The following PTPRD variants were observed in gnomAD, a reference collection of about 807,000 sequenced individuals.
The protein encoded by PTPRD is protein tyrosine phosphatase receptor type D.
A neutral mutation model predicts 214.5 loss-of-function variants in PTPRD; 34 were observed. That is an observed-to-expected ratio of 0.16 (90% CI 0.12 to 0.21). The LOEUF is 0.21. Among genes scored for constraint, PTPRD ranks in the 10% least tolerant of loss-of-function variants. PTPRD has a pLI of 1.00. For synonymous variants in PTPRD, 1,128 were observed against 845.7 expected (o/e 1.33, Z -5.79); for missense variants, 2,545 against 2,398.7 (o/e 1.06, Z -1.27).
chr9:10,225,621 C>T (rs902920481), intron 3 of PTPRD, among the ~76,000 whole-genome samples: 1 of 151,984 alleles, frequency 6.6e-6, no homozygotes, highest in Non-Finnish European at 1.5e-5. Flanking sequence ...GATTCAACTC[C>T]TTGCTTTTCT....
intron 2 of PTPRD, among the ~76,000 whole-genome samples, chr9:10,387,957 A>C (rs1195425369): frequency 6.7e-6 from 1 of 149,118 alleles, no homozygotes; most frequent in Non-Finnish European, 1.5e-5. Flanking sequence ...CACTGTGCCC[A>C]GCAATTTTGT....
intron 3 of PTPRD, among the ~76,000 whole-genome samples, chr9:10,316,136 T>C (rs1010477714): frequency 2.7e-5 from 4 of 147,306 alleles, no homozygotes; most frequent in Non-Finnish European, 6.0e-5. Flanking sequence ...TATACATATA[T>C]ACACATACAT....
At chr9:8,895,685 C>T (rs1221896947) in intron 11 of PTPRD, among the ~76,000 whole-genome samples, 1 of 152,190 alleles carries the variant, frequency 6.6e-6, no homozygotes, top group Non-Finnish European at 1.5e-5. Context: ...GTCACTTCAG[C>T]ATGTCACACT....
chr9:9,679,527 C>T (rs891828204), intron 7 of PTPRD, among the ~76,000 whole-genome samples: 3 of 151,894 alleles, frequency 2.0e-5, no homozygotes, highest in Non-Finnish European at 4.4e-5. Context: ...TTAAATGGAT[C>T]AGTCCTCTGT....
At chr9:9,065,949 T>A (rs955759021) in intron 10 of PTPRD, among the ~76,000 whole-genome samples, 3 of 152,158 alleles carry the variant, frequency 2.0e-5, no homozygotes, top group Admixed American at 2.0e-4. Flanking sequence ...TACAAGAATA[T>A]GCATGTAAAG....
intron 2 of PTPRD, among the ~76,000 whole-genome samples, chr9:10,535,455 T>G (rs1464919215): frequency 2.6e-5 from 4 of 152,158 alleles, no homozygotes; most frequent in African/African-American, 7.2e-5. Flanking sequence ...TGCCATTTAT[T>G]TGTAATCTGG....
In PTPRD at chr9:8,562,546, C is replaced by T. The variant is rs1407820174; in HGVS notation, c.353-33767G>A. On this transcript the variant is annotated intron_variant, in intron 14 of 45. Coordinates refer to ENST00000381196, the MANE Select transcript of PTPRD (RefSeq NM_002839.4). ...CGAACTCCCAGGTTCAAGTGATCTT[C>T]CCACCTCAGCCTTCCAAGTAGGTGG... is the stretch of plus-strand genomic sequence containing the variant. 2.6e-5 allele frequency among the ~76,000 whole-genome samples: 4 copies of T among 152,180 alleles called. No homozygotes were observed. The East Asian group carries it at 7.7e-4, about 29-fold the overall frequency.
At chr9:9,401,103 T>C (rs2070251854) in intron 8 of PTPRD, among the ~76,000 whole-genome samples, 1 of 152,004 alleles carries the variant, frequency 6.6e-6, no homozygotes. Flanking sequence ...ATAAACAAGC[T>C]ATTTCAGTAT....
chr9:9,406,765 G>T (rs1206653529), intron 8 of PTPRD, among the ~76,000 whole-genome samples: 2 of 151,572 alleles, frequency 1.3e-5, no homozygotes, highest in Admixed American at 6.6e-5. Flanking sequence ...ATATTAATGA[G>T]CAATTTTATA....
At chr9:9,693,154 T>C (rs1434970531) in intron 7 of PTPRD, among the ~76,000 whole-genome samples, 1 of 152,108 alleles carries the variant, frequency 6.6e-6, no homozygotes, top group Non-Finnish European at 1.5e-5. Context: ...TTCAGTAATA[T>C]GTTGAATAAC....
chr9:10,054,808 TAAAG>T (rs2097593600), intron 3 of PTPRD, among the ~76,000 whole-genome samples: 1 of 152,080 alleles, frequency 6.6e-6, no homozygotes, highest in Non-Finnish European at 1.5e-5. Flanking sequence ...GGAATAGTCT[TAAAG>T]AAAGTCATCC....
At chr9:8,376,831 T>C in intron 37 of PTPRD, 105 bp from the exon 38 acceptor site, 1 of 1,451,040 alleles carries the variant, frequency 6.9e-7, no homozygotes, top group Non-Finnish European at 9.4e-7. Context: ...CACTTCATTT[T>C]ATGTTGATCT....
chr9:8,551,075 T>C (rs1216400740), intron 14 of PTPRD, among the ~76,000 whole-genome samples: 1 of 152,192 alleles, frequency 6.6e-6, no homozygotes, highest in Non-Finnish European at 1.5e-5. Flanking sequence ...GATAAGACTA[T>C]CACTTGGGGG....
At chr9:8,544,455 TA>T (rs576494694) in intron 14 of PTPRD, among the ~76,000 whole-genome samples, 1 of 139,878 alleles carries the variant, frequency 7.1e-6, no homozygotes. Flanking sequence ...TGCAGGAAAA[TA>T]AAAAAAATAA....
At chr9:9,292,741 C>A (rs897100120) in intron 9 of PTPRD, among the ~76,000 whole-genome samples, 2 of 151,080 alleles carry the variant, frequency 1.3e-5, no homozygotes, top group South Asian at 4.2e-4. Context: ...CTCTTGGCTG[C>A]GACAGTTTCT....
intron 20 of PTPRD, among the ~76,000 whole-genome samples, chr9:8,520,781 C>T (rs554197547): frequency 1.3e-5 from 2 of 152,038 alleles, no homozygotes; most frequent in Admixed American, 6.6e-5. Context: ...CTCTTACTTG[C>T]CTTTTGATTT....
chr9:8,358,640 C>T (rs1221669107), intron 39 of PTPRD, among the ~76,000 whole-genome samples: 1 of 152,076 alleles, frequency 6.6e-6, no homozygotes, highest in Admixed American at 6.6e-5. Flanking sequence ...ATGTTAATTT[C>T]AGTACTCTTT....
chr9:9,101,771 T>A (rs1394544788), intron 10 of PTPRD, among the ~76,000 whole-genome samples: 1 of 152,206 alleles, frequency 6.6e-6, no homozygotes, highest in African/African-American at 2.4e-5. Flanking sequence ...GTATAGTAAT[T>A]GAGAATATTT....
chr9:9,008,370 G>A (rs1352234662), intron 11 of PTPRD, among the ~76,000 whole-genome samples: 1 of 151,778 alleles, frequency 6.6e-6, no homozygotes, highest in African/African-American at 2.4e-5. Context: ...TGGGACTACA[G>A]GCTCCCGCCA....
Sources: allele counts gnomAD v4.1 joint callset (sites outside exome capture counted in the v4.1 genomes callset), GRCh38; gene constraint gnomAD v4.1.1; transcripts MANE v1.5; gene names NCBI Gene and HGNC (gene_info 2026-07-23, HGNC 2026-07-21).